The following PPIP5K2 variants were observed in gnomAD, a reference collection of about 807,000 sequenced individuals.
The protein encoded by PPIP5K2 is inositol hexakisphosphate and diphosphoinositol-pentakisphosphate kinase 2.
A neutral mutation model predicts 154.6 loss-of-function variants in PPIP5K2; 105 were observed. The observed-to-expected ratio is 0.68, with a 90% CI of 0.58 to 0.80. PPIP5K2 has a LOEUF of 0.80. Among genes scored for constraint, PPIP5K2 ranks in the 30% least tolerant of loss-of-function variants. PPIP5K2 has a pLI of 0.00. For missense variants in PPIP5K2, 992 were observed against 1,504.6 expected (o/e 0.66, Z 5.64); for synonymous variants, 480 against 490.3 (o/e 0.98, Z 0.28).
In PPIP5K2 at chr5:103,129,391, A is replaced by C; in HGVS notation, c.-199A>C. On this transcript the variant is annotated 5_prime_UTR_variant, in exon 2 of 31. Coordinates refer to ENST00000358359, the MANE Select transcript of PPIP5K2 (RefSeq NM_001276277.3). ...TTGCAACAACAACTTTGATATCAAC[A>C]ATGAAGCAATGATATCTAAGAACAA... The C allele has an allele frequency of 2.8e-6, 1 of 360,088 alleles. No individual in the cohort carries two copies. Among genetic ancestry groups the C allele is most frequent in the Non-Finnish European group, 5.0e-6 (1 of 200,730 alleles). 22.3% of individuals were successfully genotyped at this position (360,088 alleles called of 1,614,324 possible).
At chr5:103,151,624 A>T (rs1184376211) in intron 9 of PPIP5K2, among the ~76,000 whole-genome samples, 1 of 152,126 alleles carries the variant, frequency 6.6e-6, no homozygotes, top group Non-Finnish European at 1.5e-5. Flanking sequence ...CATGCTGATT[A>T]TTAGTCAAAA....
chr5:103,183,382 C>T lies in PPIP5K2; in HGVS notation c.3071C>T (p.Ser1024Phe). ...TCCCCCAAATCATTGGCTTTCACAT[C>T]CAGTATTTTTGGCTCATGGCAACAG... ...PVSPKSLAFT[S>F]SIFGSWQQVV... Residue 1024 changes from serine to phenylalanine, a missense_variant, in exon 25 of 31, where the codon TCC (serine) becomes TTC (phenylalanine). Coordinates refer to ENST00000358359, the MANE Select transcript of PPIP5K2 (RefSeq NM_001276277.3). The T allele has an allele frequency of 6.2e-7, 1 of 1,610,456 alleles. No homozygotes were observed. Among genetic ancestry groups the T allele is most frequent in the Non-Finnish European group, 8.5e-7 (1 of 1,178,932 alleles).
chr5:103,200,883 C>T (rs1329131734), intron 30 of PPIP5K2, among the ~76,000 whole-genome samples: 1 of 152,026 alleles, frequency 6.6e-6, no homozygotes, highest in Non-Finnish European at 1.5e-5. Context: ...AGCGATCCTC[C>T]CACGTTGGCC....
chr5:103,174,718 TC>T (rs1232230220), intron 21 of PPIP5K2, among the ~76,000 whole-genome samples: 1 of 152,052 alleles, frequency 6.6e-6, no homozygotes, highest in Admixed American at 6.6e-5. Context: ...TCTGCTGCGC[TC>T]TCTTGGTTGA....
chr5:103,189,569 T>C (rs1554226236), intron 28 of PPIP5K2, among the ~76,000 whole-genome samples: 1 of 152,118 alleles, frequency 6.6e-6, no homozygotes, highest in Non-Finnish European at 1.5e-5. Flanking sequence ...GTGCTTAATT[T>C]AGGTGCTTTA....
At chr5:103,136,641 C>A (rs181528527) in intron 3 of PPIP5K2, 91 bp from the exon 4 acceptor site, 1 of 948,206 alleles carries the variant, frequency 1.1e-6, no homozygotes, top group East Asian at 2.4e-5. Context: ...TGAAATGAAT[C>A]TTTTATGGGA....
chr5:103,123,770 AAAAAT>A (rs1554199791), intron 1 of PPIP5K2, among the ~76,000 whole-genome samples: 1 of 152,230 alleles, frequency 6.6e-6, no homozygotes, highest in African/African-American at 2.4e-5. Context: ...AAGGAATTCT[AAAAAT>A]AAAGTAAGGT....
intron 5 of PPIP5K2, among the ~76,000 whole-genome samples, chr5:103,145,641 A>G (rs572000117): frequency 6.6e-6 from 1 of 152,130 alleles, no homozygotes; most frequent in South Asian, 2.1e-4. Flanking sequence ...CAGGCAAGAA[A>G]GAAAGATTGC....
chr5:103,182,788 C>A (rs1198461720), intron 24 of PPIP5K2, among the ~76,000 whole-genome samples: 1 of 152,026 alleles, frequency 6.6e-6, no homozygotes, highest in Non-Finnish European at 1.5e-5. Context: ...ACCCTTTGCA[C>A]AATTCTTTAG....
chr5:103,198,373 T>A (rs1802451867), intron 30 of PPIP5K2, among the ~76,000 whole-genome samples: 1 of 152,150 alleles, frequency 6.6e-6, no homozygotes, highest in African/African-American at 2.4e-5. Flanking sequence ...TAATGGACAC[T>A]ATTTTATCAT....
intron 17 of PPIP5K2, among the ~76,000 whole-genome samples, chr5:103,164,239 CT>C (rs531746400): frequency 1.0e-3 from 153 of 151,824 alleles, no homozygotes; most frequent in African/African-American, 3.6e-3. Context: ...TAACATTATA[CT>C]TTTTTCCTTT....
chr5:103,143,259 G>A (rs1243573648), intron 5 of PPIP5K2, among the ~76,000 whole-genome samples: 6 of 152,208 alleles, frequency 3.9e-5, no homozygotes, highest in Admixed American at 3.9e-4. Context: ...GTGAAGTGGC[G>A]TGATCACTTT....
chr5:103,136,952 T>C (rs1791600698), intron 4 of PPIP5K2, 130 bp downstream of exon 4: 1 of 685,686 alleles, frequency 1.5e-6, no homozygotes, highest in Admixed American at 2.4e-5. Context: ...TACTCAGAAA[T>C]AGTTATTTAT....
In PPIP5K2 at chr5:103,158,189, C is replaced by T; in HGVS notation, c.1491C>T (p.Asp497=). The T allele has an allele frequency of 6.2e-7, 1 of 1,612,506 alleles. No homozygotes were observed. Among genetic ancestry groups the T allele is most frequent in the Non-Finnish European group, 8.5e-7 (1 of 1,178,658 alleles). The part of the protein sequence containing the change: ...GCPKTSSEEE[D]SRREEPSLLL... ...TTTATTCATTCATATGTGTCATAGACAGCCGAAGAGAAGAACCATCTTTAC... is the reference window on the plus strand; with the variant it reads ...TTTATTCATTCATATGTGTCATAGATAGCCGAAGAGAAGAACCATCTTTAC... Residue 497 remains aspartate (D), a splice_region_variant and synonymous_variant, in exon 15 of 31, where the codon GAC becomes GAT. Coordinates refer to ENST00000358359, the MANE Select transcript of PPIP5K2 (RefSeq NM_001276277.3).
In PPIP5K2 at chr5:103,205,787, G is replaced by A. The variant is rs143264078; in HGVS notation, c.*4153G>A. 6.6e-6 allele frequency: 1 copy of A among 152,156 alleles called. No individual in the cohort carries two copies. Among genetic ancestry groups the A allele is most frequent in the East Asian group, 1.9e-4 (1 of 5,188 alleles). The allele number at this position is 152,156 out of a possible 1,614,324, so 9.4% of individuals were successfully genotyped here. A position where few individuals can be genotyped will look rare whatever the true frequency, so the allele number is the denominator to read the frequency against. On this transcript the variant is annotated 3_prime_UTR_variant, in exon 31 of 31. Coordinates refer to ENST00000358359, the MANE Select transcript of PPIP5K2 (RefSeq NM_001276277.3). ...GGTTTTACCTTATCATTATTAAAAT[G>A]TCCTTTTTGTCCATTGGATACTTTT...
At position 103,190,958 on chromosome 5, in the gene PPIP5K2, G is replaced by A. The variant is rs201852630; in HGVS notation, c.3469G>A (p.Val1157Ile). Residue 1157 changes from valine to isoleucine, a missense_variant, in exon 29 of 31, where the codon GTT becomes ATT. Physicochemically the swap from Val to Ile is conservative, Grantham distance 29. Transcript: ENST00000358359. The stretch of plus-strand genomic sequence containing the variant: ...TTCCATTGCTTCTCCATCATCTGAC[G>A]TTCCACGGAAGACCGCTGAAATTTG... ...LASIASPSSD[V>I]PRKTAEISST... 5.4e-5 allele frequency: 86 copies of A among 1,605,880 alleles called. No individual in the cohort carries two copies. The highest frequency in any genetic ancestry group is 6.7e-5 in the Non-Finnish European group (79 of 1,177,124).
chr5:103,139,749 A>C (rs1177790923), intron 5 of PPIP5K2, among the ~76,000 whole-genome samples: 1 of 152,242 alleles, frequency 6.6e-6, no homozygotes, highest in Non-Finnish European at 1.5e-5. Flanking sequence ...AATTCAAAAT[A>C]GCTGTCCTGA....
chr5:103,146,772 AT>A (rs1793825086), intron 6 of PPIP5K2, 91 bp downstream of exon 6: 5 of 1,102,960 alleles, frequency 4.5e-6, no homozygotes, highest in Non-Finnish European at 6.2e-6. Context: ...ACCGTTAAAT[AT>A]TGAACTCTTG....
At chr5:103,123,333 A>C (rs1250138569) in intron 1 of PPIP5K2, among the ~76,000 whole-genome samples, 2 of 152,218 alleles carry the variant, frequency 1.3e-5, no homozygotes. Flanking sequence ...TTTCAAACCC[A>C]GTTTTGAGTC....
Sources: allele counts gnomAD v4.1 joint callset (sites outside exome capture counted in the v4.1 genomes callset), GRCh38; gene constraint gnomAD v4.1.1; transcripts MANE v1.5; gene names NCBI Gene and HGNC (gene_info 2026-07-23, HGNC 2026-07-21).